PRKCG: variants seen among roughly 807,000 people sequenced by gnomAD.
The protein encoded by PRKCG is protein kinase C gamma.
In PRKCG, 28 loss-of-function variants were observed where a neutral mutation model predicts 82.0. That is an observed-to-expected ratio of 0.34 (90% CI 0.25 to 0.47). The LOEUF is 0.47. Among genes scored for constraint, PRKCG ranks in the 20% least tolerant of loss-of-function variants. The pLI, the probability that PRKCG is intolerant of heterozygous loss-of-function variation, is 1.00. For synonymous variants in PRKCG, 383 were observed against 376.6 expected (o/e 1.02, Z -0.20); for missense variants, 640 against 952.7 (o/e 0.67, Z 4.32).
At position 53,892,774 on chromosome 19, in the gene PRKCG, A is replaced by ACACACG. The variant is rs2068687922; in HGVS notation, c.821+136_821+137insGCACAC. The ACACACG allele has an allele frequency of 6.8e-6, 7 of 1,034,110 alleles. No homozygotes were observed. Among genetic ancestry groups the ACACACG allele is most frequent in the Non-Finnish European group, 9.8e-6 (7 of 714,046 alleles). The allele number at this position is 1,034,110 out of a possible 1,614,324, so 64.1% of individuals were successfully genotyped here. On this transcript the variant is annotated intron_variant, in intron 7 of 17. Coordinates refer to ENST00000263431, the MANE Select transcript of PRKCG (RefSeq NM_002739.5). The surrounding 1 kb of genome is among the most constrained non-coding windows in gnomAD (Gnocchi z 5.9). Reference sequence around the variant, plus strand: ...TGCGCACACACACACACACACACACACACACACGCACACACACGCACACAC... The same window carrying ACACACG: ...TGCGCACACACACACACACACACACACACACGCACACACGCACACACACGCACACAC...
rs916610644 is a variant in PRKCG at position 53,884,894 on chromosome 19, CCT to C, written c.285+652_285+653del. Among the ~76,000 whole-genome samples the C allele has an allele frequency of 8.5e-5, 13 of 152,312 alleles. No individual in the cohort carries two copies. The highest frequency in any genetic ancestry group is 3.1e-4 in the African/African-American group (13 of 41,572). The stretch of plus-strand genomic sequence containing the variant: ...ACATGTGCGTGCATGTACAGATGCC[CCT>C]GTCATCACAGATGTGCAGCACGCAG... On this transcript the variant is annotated intron_variant, in intron 3 of 17. Transcript: ENST00000263431. The surrounding 1 kb of genome is among the most constrained non-coding windows in gnomAD (Gnocchi z 4.6).
chr19:53,900,299 GGCAAGTTTAAGGA>G lies in PRKCG; in HGVS notation c.1351_1363del (p.Lys451ProfsTer27). On this transcript the variant is annotated frameshift_variant, in exon 12 of 18. Coordinates refer to ENST00000263431, the MANE Select transcript of PRKCG (RefSeq NM_002739.5). LOFTEE classifies it high-confidence loss of function. The surrounding 1 kb of genome is among the most constrained non-coding windows in gnomAD (Gnocchi z 4.2). The stretch of plus-strand genomic sequence containing the variant: ...CTTGATGTACCACATTCAACAGCTG[GGCAAGTTTAAGGA>G]GCCCCATGCAGCGTGAGTCTCGGCC... The G allele has an allele frequency of 6.2e-7, 1 of 1,614,128 alleles. No individual in the cohort carries two copies. The highest frequency in any genetic ancestry group is 8.5e-7 in the Non-Finnish European group (1 of 1,180,030).
intron 11 of PRKCG, among the ~76,000 whole-genome samples, chr19:53,899,788 C>T (rs758915404): frequency 2.0e-5 from 3 of 152,068 alleles, no homozygotes; most frequent in Non-Finnish European, 4.4e-5. Context: ...GGTTTCGCCA[C>T]GTTGGCCAGG....
chr19:53,902,978 A>G (rs1365621340), intron 14 of PRKCG, 95 bp from the exon 15 acceptor site: 2 of 813,064 alleles, frequency 2.5e-6, no homozygotes, highest in African/African-American at 3.4e-5. Flanking sequence ...TGCTGAAAGC[A>G]CTTAACGTGG....
chr19:53,906,377 C>A lies in PRKCG; in HGVS notation c.1825C>A (p.Arg609Ser). ...AGGGCCTGATGGGGAACCTACCATC[C>A]GTGCACATGGCTTTTTCCGCTGGAT... ...GSGPDGEPTI[R>S]AHGFFRWIDW... Residue 609 changes from arginine to serine, a missense_variant, in exon 17 of 18, where the codon CGT becomes AGT. Transcript: ENST00000263431. 1 of 1,558,542 alleles carries A rather than the reference C, an allele frequency of 6.4e-7. No homozygotes were observed. Among genetic ancestry groups the A allele is most frequent in the Non-Finnish European group, 8.7e-7 (1 of 1,150,514 alleles).
At chr19:53,906,516 C>T in intron 17 of PRKCG, 59 bp downstream of exon 17, 1 of 1,568,682 alleles carries the variant, frequency 6.4e-7, no homozygotes, top group South Asian at 1.1e-5. Flanking sequence ...TTCCCCTGGG[C>T]CTCAATATAC....
At position 53,907,100 on chromosome 19, in the gene PRKCG, C is replaced by G; in HGVS notation, c.*205C>G. On this transcript the variant is annotated 3_prime_UTR_variant, in exon 18 of 18. Coordinates refer to ENST00000263431, the MANE Select transcript of PRKCG (RefSeq NM_002739.5). ...ACAGCCTCTACAGCCGTCCCGCGTTCAAGACTTGAGCGGAGCCCGATATTC... is the reference window on the plus strand; with the variant it reads ...ACAGCCTCTACAGCCGTCCCGCGTTGAAGACTTGAGCGGAGCCCGATATTC... The G allele has an allele frequency of 8.1e-7, 1 of 1,233,818 alleles. No individual in the cohort carries two copies. Among genetic ancestry groups the G allele is most frequent in the Admixed American group, 2.4e-5 (1 of 40,864 alleles). The allele number at this position is 1,233,818 out of a possible 1,614,324, so 76.4% of individuals were successfully genotyped here.
At chr19:53,902,916 A>C (rs34282797) in intron 14 of PRKCG, among the ~76,000 whole-genome samples, 157 bp from the exon 15 acceptor site, 2 of 147,742 alleles carry the variant, frequency 1.4e-5, no homozygotes, top group Non-Finnish European at 1.5e-5. Context: ...AAAAAAAAAA[A>C]CGAAACAAAA....
intron 16 of PRKCG, among the ~76,000 whole-genome samples, chr19:53,905,975 T>G (rs955440979): frequency 1.5e-5 from 2 of 131,476 alleles, no homozygotes; most frequent in Admixed American, 7.5e-5. Flanking sequence ...TCTGTCCCTC[T>G]TCCTCTCTCT....
At chr19:53,887,033 G>C (rs1314089978) in intron 3 of PRKCG, among the ~76,000 whole-genome samples, 1 of 152,024 alleles carries the variant, frequency 6.6e-6, no homozygotes, top group East Asian at 1.9e-4. Context: ...TAGTGAGAAG[G>C]AGATCTTTCC....
In PRKCG at chr19:53,889,151, C is replaced by T. The variant is rs2068652773; in HGVS notation, c.286-487C>T. Among the ~76,000 whole-genome samples, 1 of 152,072 alleles carries T rather than the reference C, an allele frequency of 6.6e-6. No homozygotes were observed. Among genetic ancestry groups the T allele is most frequent in the South Asian group, 2.1e-4 (1 of 4,824 alleles). On this transcript the variant is annotated intron_variant, in intron 3 of 17. Transcript: ENST00000263431. This position sits in a 1 kb window ranked among gnomAD's most constrained non-coding sequence, Gnocchi z 4.4. ...TATTTTTAGTAGAGACAGAGTTTTG[C>T]CATGTTGCCTAGCCTGGTCCGGAAC...
chr19:53,902,089 CT>C (rs1229369631), intron 14 of PRKCG, among the ~76,000 whole-genome samples: 1 of 152,100 alleles, frequency 6.6e-6, no homozygotes, highest in East Asian at 1.9e-4. Flanking sequence ...ATCACAAAAC[CT>C]GGCTGGTAAT....
Position 53,883,615 on chromosome 19 carries a change from G to A in PRKCG, c.202+421G>A, listed in dbSNP as rs944759667. Among the ~76,000 whole-genome samples, 8 of 150,868 alleles carry A rather than the reference G, an allele frequency of 5.3e-5. No individual in the cohort carries two copies. The highest frequency in any genetic ancestry group is 5.3e-4 in the Admixed American group (8 of 15,172). ...GGTCACCAATGGGCGAGTGGGGGCC[G>A]GGCGGGGCCGGCAGTTCTGGGGGGC... On this transcript the variant is annotated intron_variant, in intron 2 of 17. Coordinates refer to ENST00000263431, the MANE Select transcript of PRKCG (RefSeq NM_002739.5). The surrounding 1 kb of genome is among the most constrained non-coding windows in gnomAD (Gnocchi z 5.4).
chr19:53,889,683 C>T lies in PRKCG; in HGVS notation c.331C>T (p.Pro111Ser). Residue 111 changes from proline (P) to serine (S), a missense_variant, in exon 4 of 18, where the codon CCC becomes TCC. Physicochemically the swap from Pro to Ser is moderately conservative, Grantham distance 74 (BLOSUM62 -1). This residue lies in a region of PRKCG where 50 missense variants were observed against 146.5 expected (regional missense o/e 0.34). Transcript: ENST00000263431. The surrounding 1 kb of genome is among the most constrained non-coding windows in gnomAD (Gnocchi z 4.4). ...GTTCCGCCTGCATAGCTACAGCAGC[C>T]CCACCTTCTGCGACCACTGTGGCTC... ...HKFRLHSYSS[P>S]TFCDHCGSLL... The T allele has an allele frequency of 6.2e-7, 1 of 1,614,200 alleles. No homozygotes were observed. Among genetic ancestry groups the T allele is most frequent in the Non-Finnish European group, 8.5e-7 (1 of 1,180,038 alleles).
In PRKCG at chr19:53,906,929, C is replaced by T. The variant is rs1488447404; in HGVS notation, c.*34C>T. ...GCCGCCACTAGGTGTCCCCAACGTC[C>T]CCTCCGCCGTGCCGGCGGCAGCCCC... On this transcript the variant is annotated 3_prime_UTR_variant, in exon 18 of 18. Transcript: ENST00000263431. 5 of 1,612,822 alleles carry T rather than the reference C, an allele frequency of 3.1e-6. No individual in the cohort carries two copies. The highest frequency in any genetic ancestry group is 4.5e-5 in the East Asian group (2 of 44,826).
At chr19:53,904,566 A>G in intron 15 of PRKCG, 69 bp from the exon 16 acceptor site, 1 of 1,348,500 alleles carries the variant, frequency 7.4e-7, no homozygotes, top group Non-Finnish European at 1.0e-6. Flanking sequence ...TGGGGTGAGG[A>G]GGGTGTGGAA....
In PRKCG at chr19:53,906,867, C is replaced by T; in HGVS notation, c.2066C>T (p.Thr689Ile). ...GTGCACCCGGATGCCCGCAGCCCCA[C>T]CAGCCCAGTGCCTGTGCCCGTCATG... The part of the protein sequence containing the change: ...DFVHPDARSP[T>I]SPVPVPVM Residue 689 changes from threonine (T) to isoleucine (I), a missense_variant, in exon 18 of 18, where the codon ACC (threonine) becomes ATC (isoleucine). Around this residue, in one of 7 missense-constraint regions of PRKCG, gnomAD observed 198 missense variants for 273.4 expected, o/e 0.72. Transcript: ENST00000263431. The T allele has an allele frequency of 1.2e-6, 2 of 1,613,656 alleles. No individual in the cohort carries two copies. Among genetic ancestry groups the T allele is most frequent in the East Asian group, 2.2e-5 (1 of 44,850 alleles).
intron 11 of PRKCG, 24 bp downstream of exon 11, chr19:53,898,652 T>C: frequency 6.4e-7 from 1 of 1,552,822 alleles, no homozygotes; most frequent in Non-Finnish European, 8.7e-7. Flanking sequence ...GGGCGGAGGC[T>C]GTCCTCCGGG....
At chr19:53,904,600 A>G (rs1309768105) in intron 15 of PRKCG, 35 bp from the exon 16 acceptor site, 3 of 1,585,318 alleles carry the variant, frequency 1.9e-6, no homozygotes, top group Middle Eastern at 1.7e-4. Context: ...GCAGTTGGGC[A>G]TGTCCCTGAC....
Sources: allele counts gnomAD v4.1 joint callset (sites outside exome capture counted in the v4.1 genomes callset), GRCh38; gene constraint gnomAD v4.1.1; regional missense constraint gnomAD v4.1.1; non-coding constraint Gnocchi (gnomAD v3.1); transcripts MANE v1.5; gene names NCBI Gene and HGNC (gene_info 2026-07-23, HGNC 2026-07-21).